The following MYO1E variants were observed in gnomAD, a reference collection of about 807,000 sequenced individuals.
MYO1E encodes myosin IE.
Under a neutral mutation model 151.1 loss-of-function variants are expected in MYO1E, and 68 were observed. That is an observed-to-expected ratio of 0.45 (90% CI 0.37 to 0.55). MYO1E has a LOEUF of 0.55. MYO1E is among the 20% of genes least tolerant of loss of function. The probability of loss-of-function intolerance (pLI) is 0.00; values close to 1 mark genes in which losing one functional copy is unlikely to be tolerated. For synonymous variants in MYO1E, 601 were observed against 501.7 expected (o/e 1.20, Z -2.64); for missense variants, 1,363 against 1,389.3 (o/e 0.98, Z 0.30).
intron 1 of MYO1E, among the ~76,000 whole-genome samples, chr15:59,282,492 T>C (rs2080358481): frequency 1.3e-5 from 2 of 152,074 alleles, no homozygotes; most frequent in African/African-American, 2.4e-5. Flanking sequence ...TTCTGTCCTC[T>C]TTCCCTCACA....
chr15:59,179,385 A>G (rs1435502728), intron 18 of MYO1E, among the ~76,000 whole-genome samples: 2 of 152,198 alleles, frequency 1.3e-5, no homozygotes, highest in African/African-American at 4.8e-5. Flanking sequence ...TCCCAGATGA[A>G]GGTGAGAGCT....
At chr15:59,280,272 T>C (rs561855263) in intron 1 of MYO1E, among the ~76,000 whole-genome samples, 7 of 152,362 alleles carry the variant, frequency 4.6e-5, no homozygotes, top group African/African-American at 1.7e-4. Context: ...GAACAGTTAA[T>C]GTATTCCATC....
At chr15:59,272,598 G>T in intron 1 of MYO1E, 149 bp from the exon 2 acceptor site, 1 of 914,916 alleles carries the variant, frequency 1.1e-6, no homozygotes, top group Non-Finnish European at 1.7e-6. Context: ...ATAAGATGAG[G>T]ATTCAAGTTC....
intron 1 of MYO1E, among the ~76,000 whole-genome samples, chr15:59,335,062 TCAAA>T: frequency 6.6e-6 from 1 of 152,160 alleles, no homozygotes. Flanking sequence ...AAAGATTGTC[TCAAA>T]GAGAACATTC....
chr15:59,200,091 T>A (rs76841326), intron 16 of MYO1E, among the ~76,000 whole-genome samples: 4,139 of 152,184 alleles, frequency 0.027, 201 homozygotes, highest in African/African-American at 0.093. Context: ...TGGTGGCACT[T>A]TGAGCCTTCA....
At chr15:59,331,764 T>C (rs2080699572) in intron 1 of MYO1E, among the ~76,000 whole-genome samples, 2 of 152,242 alleles carry the variant, frequency 1.3e-5, no homozygotes, top group African/African-American at 4.8e-5. Flanking sequence ...GTAATACCTG[T>C]CAGTCATTTT....
chr15:59,236,539 C>A, intron 5 of MYO1E, 46 bp downstream of exon 5: 1 of 1,503,478 alleles, frequency 6.7e-7, no homozygotes, highest in Non-Finnish European at 9.3e-7. Context: ...GAGCCTCTTA[C>A]ATTTCCCATA....
At chr15:59,313,992 A>G (rs1381857907) in intron 1 of MYO1E, among the ~76,000 whole-genome samples, 1 of 152,228 alleles carries the variant, frequency 6.6e-6, no homozygotes, top group Non-Finnish European at 1.5e-5. Flanking sequence ...TGCCAGCTAA[A>G]CCTGCTCTGC....
chr15:59,344,406 G>A (rs2080782373), intron 1 of MYO1E, among the ~76,000 whole-genome samples: 1 of 152,242 alleles, frequency 6.6e-6, no homozygotes, highest in African/African-American at 2.4e-5. Flanking sequence ...TGTGGAGCTA[G>A]GGGAAGGGTG....
rs567110897 is a variant in MYO1E at position 59,365,315 on chromosome 15, G to A, written c.3+7183C>T. Among the ~76,000 whole-genome samples, 55 of 152,128 alleles carry A rather than the reference G, an allele frequency of 3.6e-4. 2 individuals are homozygous for A. Among genetic ancestry groups the A allele is most frequent in the African/African-American group, 1.1e-3 (47 of 41,508 alleles). ...ATTACGGGCGTTAGCCACCGCGCCC[G>A]GCTGAATTCTTCTAAATTTCTTATA... On this transcript the variant is annotated intron_variant, in intron 1 of 27. Transcript: ENST00000288235.
intron 26 of MYO1E, among the ~76,000 whole-genome samples, chr15:59,151,289 G>C (rs1408827881): frequency 6.6e-6 from 1 of 151,954 alleles, no homozygotes; most frequent in East Asian, 1.9e-4. Context: ...AATTAGCTGG[G>C]TGTGGTGGCA....
At chr15:59,344,734 TC>T (rs2080784372) in intron 1 of MYO1E, among the ~76,000 whole-genome samples, 1 of 152,190 alleles carries the variant, frequency 6.6e-6, no homozygotes, top group African/African-American at 2.4e-5. Context: ...CACTCTTACC[TC>T]CCACCTTTCC....
At position 59,195,455 on chromosome 15, in the gene MYO1E, CG is replaced by C; in HGVS notation, c.1805+5del. ...CGGCCCCACCTAAGCCGGTTTCCCC[CG>C]ATACCTGCTTTCCTCCCAGTCTCTG... On this transcript the variant is annotated splice_donor_5th_base_variant and intron_variant, in intron 17 of 27. Coordinates refer to ENST00000288235, the MANE Select transcript of MYO1E (RefSeq NM_004998.4). The C allele has an allele frequency of 1.2e-6, 2 of 1,610,228 alleles. No homozygotes were observed. The highest frequency in any genetic ancestry group is 1.3e-5 in the African/African-American group (1 of 74,958).
At chr15:59,332,528 G>A (rs2080704081) in intron 1 of MYO1E, among the ~76,000 whole-genome samples, 1 of 152,138 alleles carries the variant, frequency 6.6e-6, no homozygotes, top group African/African-American at 2.4e-5. Context: ...TAACCTGACA[G>A]CAGCAGCAGT....
intron 1 of MYO1E, among the ~76,000 whole-genome samples, chr15:59,310,245 C>T (rs1443330862): frequency 7.2e-5 from 11 of 152,090 alleles, no homozygotes; most frequent in Non-Finnish European, 1.3e-4. Context: ...CCCTTGAGTC[C>T]TAAAATGATA....
At chr15:59,228,198 T>C (rs1370157257) in intron 6 of MYO1E, among the ~76,000 whole-genome samples, 1 of 152,132 alleles carries the variant, frequency 6.6e-6, no homozygotes, top group Non-Finnish European at 1.5e-5. Context: ...ATTAATTATA[T>C]ATAGCCAGGC....
At chr15:59,166,015 C>T (rs2079561194) in intron 22 of MYO1E, among the ~76,000 whole-genome samples, 1 of 152,168 alleles carries the variant, frequency 6.6e-6, no homozygotes, top group Non-Finnish European at 1.5e-5. Context: ...GTTTAATGGG[C>T]TTAGATTTAT....
At chr15:59,171,084 C>T (rs1336869646) in intron 22 of MYO1E, 1 of 155,896 alleles carries the variant, frequency 6.4e-6, no homozygotes, top group Non-Finnish European at 1.5e-5. Context: ...TTCTTCCATT[C>T]TTAGTCTTCA....
intron 26 of MYO1E, among the ~76,000 whole-genome samples, chr15:59,146,659 A>AT (rs2079443272): frequency 6.6e-6 from 1 of 150,990 alleles, no homozygotes; most frequent in Non-Finnish European, 1.5e-5. Context: ...ACAATAACTT[A>AT]TTTTTTCTTT....
Sources: gnomAD v4.1 joint callset for allele counts (sites outside exome capture counted in the v4.1 genomes callset) on GRCh38, gnomAD v4.1.1 for gene constraint, MANE v1.5 for transcripts, NCBI Gene and HGNC (gene_info 2026-07-23, HGNC 2026-07-21) for gene names.